The following TMEM87B variants were observed in gnomAD, a reference collection of about 807,000 sequenced individuals.
The protein encoded by TMEM87B is transmembrane protein 87B.
In TMEM87B, 83 loss-of-function variants were observed where a neutral mutation model predicts 80.3. The observed-to-expected ratio is 1.03, with a 90% confidence interval of 0.87 to 1.24. The LOEUF is 1.24. TMEM87B is among the 50% of genes most tolerant of loss of function. The pLI is 0.00. For synonymous variants in TMEM87B, 219 were observed against 230.5 expected (o/e 0.95, Z 0.45); for missense variants, 625 against 674.4 (o/e 0.93, Z 0.81).
chr2:112,109,223 T>C (rs971860969), intron 17 of TMEM87B, among the ~76,000 whole-genome samples: 6 of 152,246 alleles, frequency 3.9e-5, no homozygotes, highest in Non-Finnish European at 7.3e-5. Flanking sequence ...TACACTGTTA[T>C]ACTTTTTTAT....
At chr2:112,093,674 T>C (rs984299973) in intron 11 of TMEM87B, among the ~76,000 whole-genome samples, 1 of 152,244 alleles carries the variant, frequency 6.6e-6, no homozygotes, top group African/African-American at 2.4e-5. Context: ...CTTCCTCTGG[T>C]GTCATTTTCA....
At chr2:112,077,312 T>C in intron 6 of TMEM87B, 30 bp downstream of exon 6, 1 of 1,202,134 alleles carries the variant, frequency 8.3e-7, no homozygotes. Flanking sequence ...ATGTTTACTG[T>C]CTGCATTTTC....
Position 112,097,112 on chromosome 2 carries a change from A to T in TMEM87B, c.1173A>T (p.Leu391Phe), listed in dbSNP as rs748168448. The change falls in exon 12 of 19, where the codon TTA becomes TTT. Residue 391 changes from leucine to phenylalanine, a missense_variant. By Grantham distance (22) the Leu-to-Phe change is conservative. Coordinates refer to ENST00000283206, the MANE Select transcript of TMEM87B (RefSeq NM_032824.3). ...GAAAGAACACTGTGAAATTTTCATT[A>T]TATAGACATTTTAAAAATACTCTGA... ...RLRKNTVKFSLYRHFKNTLIF... is the reference protein window; with the variant it reads ...RLRKNTVKFSFYRHFKNTLIF... The T allele has an allele frequency of 3.1e-6, 5 of 1,609,600 alleles. No individual in the cohort carries two copies. Among genetic ancestry groups the T allele is most frequent in the South Asian group, 2.2e-5 (2 of 89,578 alleles).
chr2:112,112,839 C>T (rs920766256), intron 17 of TMEM87B, 60 bp from the exon 18 acceptor site: 13 of 1,534,500 alleles, frequency 8.5e-6, no homozygotes, highest in Middle Eastern at 1.7e-4. Context: ...ATTCGGCTTT[C>T]GTGGATACAC....
chr2:112,060,136 G>A lies in TMEM87B; in HGVS notation c.226+99G>A, dbSNP rs555574873. On this transcript the variant is annotated intron_variant, in intron 2 of 18. Coordinates refer to ENST00000283206, the MANE Select transcript of TMEM87B (RefSeq NM_032824.3). ...GCCGAGGCAGGTGGATCACAAGGTC[G>A]GGAGTTCAGGACGAGCCTGGCCAAC... 103 of 1,306,408 alleles carry A rather than the reference G, an allele frequency of 7.9e-5. No individual in the cohort carries two copies. In the African/African-American group the frequency reaches 1.3e-3, roughly 16 times the overall value. The allele number at this position is 1,306,408 out of a possible 1,614,324, so 80.9% of individuals were successfully genotyped here. A position where few individuals can be genotyped will look rare whatever the true frequency, so the allele number is the denominator to read the frequency against.
intron 6 of TMEM87B, 57 bp from the exon 7 acceptor site, chr2:112,081,000 T>TA: frequency 6.7e-7 from 1 of 1,498,508 alleles, no homozygotes; most frequent in South Asian, 1.2e-5. Context: ...GAAATGAACT[T>TA]ACATTTAAAG....
chr2:112,059,936 A>T (rs1446927926), intron 1 of TMEM87B, 41 bp from the exon 2 acceptor site: 1 of 1,583,098 alleles, frequency 6.3e-7, no homozygotes, highest in Non-Finnish European at 8.6e-7. Flanking sequence ...TGCAAAAAAA[A>T]CTTTCTAACA....
At chr2:112,104,411 T>A (rs1679710444) in intron 15 of TMEM87B, among the ~76,000 whole-genome samples, 3 of 152,168 alleles carry the variant, frequency 2.0e-5, no homozygotes, top group Admixed American at 1.3e-4. Flanking sequence ...AGCAGAAGAC[T>A]AGTGTAGACA....
chr2:112,106,916 T>G (rs1679783530), intron 16 of TMEM87B, among the ~76,000 whole-genome samples: 1 of 152,134 alleles, frequency 6.6e-6, no homozygotes, highest in South Asian at 2.1e-4. Flanking sequence ...AAAGGATAGA[T>G]GGATGGATAA....
chr2:112,060,064 T>C (rs746629246), intron 2 of TMEM87B, 27 bp downstream of exon 2: 13 of 1,512,090 alleles, frequency 8.6e-6, no homozygotes, highest in Admixed American at 2.1e-5. Context: ...AATAAAATAC[T>C]AGACTGGGCG....
intron 1 of TMEM87B, among the ~76,000 whole-genome samples, chr2:112,059,401 A>G (rs1275078194): frequency 6.6e-6 from 1 of 151,740 alleles, no homozygotes; most frequent in East Asian, 1.9e-4. Context: ...GAAGGAGCCA[A>G]CTAGATGAAC....
intron 8 of TMEM87B, 65 bp downstream of exon 8, chr2:112,081,583 G>A: frequency 1.4e-6 from 2 of 1,394,026 alleles, no homozygotes; most frequent in Non-Finnish European, 1.9e-6. Flanking sequence ...TATGAGCAGA[G>A]CAGTGGGAGG....
At chr2:112,112,582 A>G (rs1679948845) in intron 17 of TMEM87B, among the ~76,000 whole-genome samples, 3 of 152,286 alleles carry the variant, frequency 2.0e-5, no homozygotes, top group South Asian at 2.1e-4. Context: ...GAAGTCTACA[A>G]CTGTAGATTA....
intron 15 of TMEM87B, among the ~76,000 whole-genome samples, chr2:112,105,136 T>G (rs1679731497): frequency 6.6e-6 from 1 of 152,082 alleles, no homozygotes; most frequent in Admixed American, 6.5e-5. Context: ...GTAATATATA[T>G]ATATATACAC....
rs1679609882 is a variant in TMEM87B, at chr2:112,100,813, CTTT to C, written c.1450+120_1450+122del. The C allele has an allele frequency of 8.9e-6, 5 of 559,126 alleles. No homozygotes were observed. The Admixed American group carries it at 1.5e-4, about 17-fold the overall frequency. 34.6% of individuals were successfully genotyped at this position (559,126 alleles called of 1,614,324 possible). On this transcript the variant is annotated intron_variant, in intron 15 of 18. Transcript: ENST00000283206. ...TTTTTTCTATAAAATATTTTAAAAA[CTTT>C]TATCTTCAGAAACCTTATTTTGGTA...
chr2:112,107,082 GC>G (rs1679788086), intron 16 of TMEM87B, among the ~76,000 whole-genome samples: 1 of 152,162 alleles, frequency 6.6e-6, no homozygotes, highest in Non-Finnish European at 1.5e-5. Flanking sequence ...TTGAGATCAG[GC>G]CCGGTGGCTA....
At chr2:112,059,683 A>G (rs1262173186) in intron 1 of TMEM87B, among the ~76,000 whole-genome samples, 2 of 152,232 alleles carry the variant, frequency 1.3e-5, no homozygotes, top group Admixed American at 6.5e-5. Flanking sequence ...CAGTCAGTTC[A>G]TGTCACGTCT....
intron 13 of TMEM87B, 106 bp from the exon 14 acceptor site, chr2:112,098,489 G>T: frequency 2.0e-6 from 2 of 980,626 alleles, no homozygotes; most frequent in Non-Finnish European, 1.6e-6. Flanking sequence ...AAGACTTACT[G>T]GTTGGAAAGA....
Position 112,116,394 on chromosome 2 carries a change from A to G in TMEM87B, c.*251A>G, listed in dbSNP as rs942462935. The G allele has an allele frequency of 2.6e-5, 9 of 351,744 alleles. No individual in the cohort carries two copies. The highest frequency in any genetic ancestry group is 1.5e-4 in the African/African-American group (7 of 47,618). 21.8% of individuals were successfully genotyped at this position (351,744 alleles called of 1,614,324 possible). ...AAAGTATTATGATAAAGATCTGCAC[A>G]GATGCCTCTTAGCTGATAGGTGGCA... is the stretch of plus-strand genomic sequence containing the variant. On this transcript the variant is annotated 3_prime_UTR_variant, in exon 19 of 19. Coordinates refer to ENST00000283206, the MANE Select transcript of TMEM87B (RefSeq NM_032824.3).
Sources: allele counts gnomAD v4.1 joint callset (sites outside exome capture counted in the v4.1 genomes callset), GRCh38; gene constraint gnomAD v4.1.1; transcripts MANE v1.5; gene names NCBI Gene and HGNC (gene_info 2026-07-23, HGNC 2026-07-21).